The following MAST4 variants were observed in gnomAD, a reference collection of about 807,000 sequenced individuals.
MAST4 encodes the protein microtubule-associated serine/threonine-protein kinase 4.
Under a neutral mutation model 162.7 loss-of-function variants are expected in MAST4, and 89 were observed. The ratio of observed to expected loss-of-function variants is 0.55; its 90% CI spans 0.46 to 0.65. MAST4 has a LOEUF of 0.65. MAST4 is among the 30% of genes least tolerant of loss of function. The probability of loss-of-function intolerance (pLI) is 0.00; values close to 1 mark genes in which losing one functional copy is unlikely to be tolerated. For missense variants in MAST4, 3,153 were observed against 3,374.0 expected (o/e 0.93, Z 1.62); for synonymous variants, 1,479 against 1,361.1 (o/e 1.09, Z -1.91).
chr5:67,043,132 G>A lies in MAST4; in HGVS notation c.675-11272G>A, dbSNP rs190776773. ...AAAAAGAAGTGGTCCTTGGGTCCTC[G>A]GAAGCAGAAGGAAGGAAGAGACCCT... On this transcript the variant is annotated intron_variant, in intron 4 of 28. Transcript: ENST00000403625. 2.3e-3 allele frequency among the ~76,000 whole-genome samples: 346 copies of A among 152,270 alleles called. 2 individuals are homozygous for A. The highest frequency in any genetic ancestry group is 3.4e-3 in the Middle Eastern group (1 of 294).
At chr5:66,966,484 C>T (rs1206754257) in intron 4 of MAST4, among the ~76,000 whole-genome samples, 2 of 152,154 alleles carry the variant, frequency 1.3e-5, no homozygotes, top group Non-Finnish European at 2.9e-5. Context: ...GAAGGGTTTG[C>T]AGGAGGATCT....
chr5:66,835,899 G>A (rs923054682), intron 3 of MAST4, among the ~76,000 whole-genome samples: 1 of 152,170 alleles, frequency 6.6e-6, no homozygotes, highest in Non-Finnish European at 1.5e-5. Flanking sequence ...GATGGGTGCA[G>A]TGGCTCACAC....
At chr5:66,970,215 C>T (rs1747260067) in intron 4 of MAST4, among the ~76,000 whole-genome samples, 1 of 152,146 alleles carries the variant, frequency 6.6e-6, no homozygotes, top group African/African-American at 2.4e-5. Flanking sequence ...CTGCCAGTGC[C>T]ACCACCTGGA....
chr5:66,924,190 A>G (rs978789457), intron 4 of MAST4, among the ~76,000 whole-genome samples: 1 of 152,142 alleles, frequency 6.6e-6, no homozygotes, highest in African/African-American at 2.4e-5. Flanking sequence ...GAAATAGCCA[A>G]TTTCAGAAGA....
chr5:66,610,080 C>T (rs1291712594), intron 1 of MAST4, among the ~76,000 whole-genome samples: 4 of 152,056 alleles, frequency 2.6e-5, no homozygotes, highest in Admixed American at 2.0e-4. Context: ...ATTACTTTTG[C>T]ACCACCCTAA....
intron 2 of MAST4, among the ~76,000 whole-genome samples, chr5:66,777,626 G>C (rs1210447394): frequency 6.6e-6 from 1 of 152,192 alleles, no homozygotes; most frequent in Non-Finnish European, 1.5e-5. Flanking sequence ...AGGGGGCAGT[G>C]AACACATTTA....
intron 19 of MAST4, among the ~76,000 whole-genome samples, chr5:67,137,221 C>A (rs1346310733): frequency 6.6e-6 from 1 of 152,180 alleles, no homozygotes; most frequent in East Asian, 1.9e-4. Context: ...GAATTAAAAA[C>A]CACTGTCTTT....
At chr5:67,121,918 C>CA (rs989043020) in intron 14 of MAST4, among the ~76,000 whole-genome samples, 9 of 151,738 alleles carry the variant, frequency 5.9e-5, no homozygotes, top group African/African-American at 2.2e-4. Flanking sequence ...GGCTGGAGTG[C>CA]AGTGGTGCAA....
At chr5:67,076,037 G>C (rs1212995338) in intron 5 of MAST4, among the ~76,000 whole-genome samples, 2 of 152,008 alleles carry the variant, frequency 1.3e-5, no homozygotes, top group African/African-American at 4.8e-5. Context: ...CTGCTCCACT[G>C]TGGGAGATGC....
In MAST4 at chr5:67,163,951, C is replaced by T. The variant is rs1773544149; in HGVS notation, c.4772C>T (p.Ala1591Val). The T allele has an allele frequency of 6.2e-7, 1 of 1,613,084 alleles. No homozygotes were observed. Among genetic ancestry groups the T allele is most frequent in the Non-Finnish European group, 8.5e-7 (1 of 1,179,534 alleles). Residue 1591 changes from alanine (A) to valine (V), a missense_variant, in exon 29 of 29, where the codon GCG becomes GTG. Ala to Val is a moderately conservative substitution (Grantham distance 64). Coordinates refer to ENST00000403625, the MANE Select transcript of MAST4 (RefSeq NM_001164664.2). This position sits in a 1 kb window ranked among gnomAD's most constrained non-coding sequence, Gnocchi z 7.0. The part of the protein sequence containing the change: ...VERSSTFENK[A>V]SMQEAPPLGS... ...AGGTCAAGTACTTTTGAAAACAAAG[C>T]GTCTATGCAGGAGGCGCCACCGCTG...
At chr5:66,710,760 C>T (rs1390923865) in intron 1 of MAST4, among the ~76,000 whole-genome samples, 1 of 152,134 alleles carries the variant, frequency 6.6e-6, no homozygotes, top group African/African-American at 2.4e-5. Flanking sequence ...CGGCCAAGCT[C>T]TGGCATTGCT....
intron 3 of MAST4, among the ~76,000 whole-genome samples, chr5:66,790,228 G>A (rs977668614): frequency 1.3e-5 from 2 of 152,090 alleles, no homozygotes; most frequent in Non-Finnish European, 2.9e-5. Flanking sequence ...AAATAATGCA[G>A]TAATGGATGC....
Position 67,142,476 on chromosome 5 carries a change from T to C in MAST4, c.2673T>C (p.Asp891=). 6.2e-7 allele frequency: 1 copy of C among 1,600,336 alleles called. No individual in the cohort carries two copies. Among genetic ancestry groups the C allele is most frequent in the Non-Finnish European group, 8.5e-7 (1 of 1,172,976 alleles). The change falls in exon 21 of 29, where the codon GAT becomes GAC. Residue 891 remains aspartate (D), a synonymous_variant. Transcript: ENST00000403625. ...CGGAGGAAGAAGATGACACAAATGA[T>C]GAAGACTTTAATGTGGAAATAAGGC... ...METEEEDDTN[D]EDFNVEIRQF...
chr5:66,745,388 C>A (rs547404240), intron 1 of MAST4, among the ~76,000 whole-genome samples: 1 of 152,284 alleles, frequency 6.6e-6, no homozygotes, highest in African/African-American at 2.4e-5. Context: ...ACTGCTCTTT[C>A]TCTCTTACCT....
chr5:66,956,361 G>A (rs1745314957), intron 4 of MAST4, among the ~76,000 whole-genome samples: 1 of 148,378 alleles, frequency 6.7e-6, no homozygotes, highest in South Asian at 2.1e-4. Context: ...GTCTTGAGAA[G>A]TTCACAACGT....
At chr5:66,629,378 A>G (rs544613285) in intron 1 of MAST4, among the ~76,000 whole-genome samples, 155 of 152,296 alleles carry the variant, frequency 1.0e-3, no homozygotes, top group African/African-American at 3.4e-3. Flanking sequence ...TAGCTGTGTG[A>G]TGAGCCTGGC....
At chr5:67,126,948 AGT>A (rs1768314836) in intron 14 of MAST4, among the ~76,000 whole-genome samples, 1 of 152,142 alleles carries the variant, frequency 6.6e-6, no homozygotes, top group Non-Finnish European at 1.5e-5. Flanking sequence ...CTCCTTGAAG[AGT>A]TCCTTTACAT....
intron 4 of MAST4, among the ~76,000 whole-genome samples, chr5:66,989,592 A>T (rs1449369065): frequency 1.3e-5 from 2 of 152,136 alleles, no homozygotes; most frequent in Non-Finnish European, 1.5e-5. Flanking sequence ...GTGAAGCATA[A>T]TTTTTTCCCC....
chr5:66,853,204 C>T (rs778025692), intron 3 of MAST4, among the ~76,000 whole-genome samples: 7 of 152,270 alleles, frequency 4.6e-5, no homozygotes, highest in African/African-American at 1.7e-4. Context: ...GAGGCATGTT[C>T]GAAAAGCCTG....
Sources: allele counts gnomAD v4.1 joint callset (sites outside exome capture counted in the v4.1 genomes callset), GRCh38; gene constraint gnomAD v4.1.1; non-coding constraint Gnocchi (gnomAD v3.1); transcripts MANE v1.5; gene names NCBI Gene and HGNC (gene_info 2026-07-23, HGNC 2026-07-21).